HDX: variants seen among roughly 807,000 people sequenced by gnomAD.
The protein encoded by HDX is chromosome X open reading frame 43.
A neutral mutation model predicts 45.2 loss-of-function variants in HDX; 19 were observed. That is an observed-to-expected ratio of 0.42 (90% CI 0.29 to 0.62). The LOEUF (loss-of-function observed/expected upper bound fraction) is 0.62, where lower values mean the gene tolerates loss of function less well. HDX is among the 20% of genes least tolerant of loss of function. The pLI is 0.20. For synonymous variants in HDX, 188 were observed against 172.8 expected (o/e 1.09, Z -0.69); for missense variants, 532 against 493.9 (o/e 1.08, Z -0.73).
intron 4 of HDX, among the ~76,000 whole-genome samples, chrX:84,467,395 G>T (rs1489836145): frequency 9.0e-6 from 1 of 110,901 alleles, no homozygotes; most frequent in African/African-American, 3.3e-5. Context: ...GGGAGGCTGA[G>T]GTGGGCGGAT....
intron 10 of HDX, 120 bp downstream of exon 10, chrX:84,326,058 T>C: frequency 1.5e-6 from 1 of 685,012 alleles, no homozygotes; most frequent in Non-Finnish European, 2.3e-6. Flanking sequence ...AAATAACAAA[T>C]ATTTCCTCCA....
intron 1 of HDX, 38 bp downstream of exon 1, chrX:84,502,304 C>G (rs1474365305): frequency 9.0e-6 from 1 of 110,671 alleles, no homozygotes; most frequent in Non-Finnish European, 1.9e-5. Context: ...TGCCCTCCCT[C>G]CTTCGCCCTT....
chrX:84,369,424 T>C (rs2037840055), intron 5 of HDX, among the ~76,000 whole-genome samples: 1 of 112,262 alleles, frequency 8.9e-6, no homozygotes, highest in African/African-American at 3.2e-5. Flanking sequence ...TTCCTTGGAA[T>C]ATATACCCAG....
At chrX:84,351,948 C>T (rs189716120) in intron 6 of HDX, among the ~76,000 whole-genome samples, 1 of 111,871 alleles carries the variant, frequency 8.9e-6, no homozygotes, top group African/African-American at 3.2e-5. Flanking sequence ...GAATTTGTAA[C>T]CTTTCTAGTT....
At chrX:84,409,643 T>G (rs1467394460) in intron 5 of HDX, among the ~76,000 whole-genome samples, 1 of 96,369 alleles carries the variant, frequency 1.0e-5, no homozygotes, top group African/African-American at 3.9e-5. Flanking sequence ...AAACACCGCA[T>G]GTTCTCACTC....
chrX:84,367,876 G>C (rs1274846833), intron 5 of HDX, among the ~76,000 whole-genome samples: 2 of 111,707 alleles, frequency 1.8e-5, no homozygotes, highest in African/African-American at 6.5e-5. Flanking sequence ...GGGAGGGATA[G>C]CATTAGGAAA....
intron 5 of HDX, chrX:84,403,960 T>A: frequency 9.0e-6 from 1 of 111,275 alleles, no homozygotes; most frequent in East Asian, 2.8e-4. Flanking sequence ...GGGTCAGGCA[T>A]CTGGTGAGTA....
chrX:84,418,019 A>T (rs2039155469), intron 5 of HDX, among the ~76,000 whole-genome samples: 1 of 112,086 alleles, frequency 8.9e-6, no homozygotes, highest in African/African-American at 3.2e-5. Flanking sequence ...ACACTATATT[A>T]TGGGTTTCTG....
chrX:84,393,933 A>AT (rs1054276637), intron 5 of HDX, among the ~76,000 whole-genome samples: 53 of 47,105 alleles, frequency 1.1e-3, no homozygotes, highest in Non-Finnish European at 3.4e-4. Context: ...TGGTTGATCA[A>AT]TTTTGTTCAT....
At chrX:84,322,048 TGTGG>T in intron 10 of HDX, 34 bp from the exon 11 acceptor site, 1 of 989,433 alleles carries the variant, frequency 1.0e-6, no homozygotes, top group East Asian at 3.5e-5. Flanking sequence ...TGGATTAGTA[TGTGG>T]ATAGATTGTT....
chrX:84,332,031 G>GT, intron 9 of HDX, among the ~76,000 whole-genome samples: 1 of 111,394 alleles, frequency 9.0e-6, no homozygotes, highest in Non-Finnish European at 1.9e-5. Context: ...AGAAACACTA[G>GT]TATGTGTATA....
chrX:84,412,485 C>G (rs1461729056), intron 5 of HDX, among the ~76,000 whole-genome samples: 1 of 111,578 alleles, frequency 9.0e-6, no homozygotes, highest in East Asian at 2.8e-4. Flanking sequence ...TAGTGCAATG[C>G]TTAATATAGG....
intron 4 of HDX, among the ~76,000 whole-genome samples, chrX:84,448,624 A>G (rs1270646806): frequency 9.1e-6 from 1 of 110,496 alleles, no homozygotes; most frequent in Admixed American, 9.7e-5. Flanking sequence ...AACAAACACC[A>G]TAGATACATC....
intron 5 of HDX, among the ~76,000 whole-genome samples, chrX:84,367,129 C>G (rs1335517246): frequency 9.2e-6 from 1 of 108,386 alleles, no homozygotes; most frequent in African/African-American, 3.3e-5. Context: ...CCAGAATCTA[C>G]AAAGAACTTC....
intron 5 of HDX, among the ~76,000 whole-genome samples, chrX:84,380,414 C>CA (rs200184884): frequency 2.5e-3 from 247 of 99,279 alleles, no homozygotes; most frequent in East Asian, 7.2e-3. Context: ...AAAGACACCT[C>CA]AAAAAAAAAA....
chrX:84,336,929 T>G (rs1012537240), intron 7 of HDX, 49 bp from the exon 8 acceptor site: 2 of 794,867 alleles, frequency 2.5e-6, no homozygotes, highest in Non-Finnish European at 3.7e-6. Context: ...AAAACTTTCT[T>G]GAGAATACTA....
chrX:84,468,656 T>G lies in HDX; in HGVS notation c.1067A>C (p.Asn356Thr), dbSNP rs2040399531. The change falls in exon 4 of 11, where the codon AAT becomes ACT. Residue 356 changes from asparagine (N) to threonine (T), a missense_variant. Physicochemically the swap from Asn to Thr is moderately conservative, Grantham distance 65. This residue lies in a region of HDX where 376 missense variants were observed against 343.7 expected (regional missense o/e 1.09). Coordinates refer to ENST00000373177, the MANE Select transcript of HDX (RefSeq NM_001177479.2). ...GRNMPNSQMVNIRDMSDNVLY... is the reference protein window; with the variant it reads ...GRNMPNSQMVTIRDMSDNVLY... ...TACATTGTCTGACATATCTCTAATA[T>G]TCACCATTTGTGAATTTGGCATATT... 1 of 1,207,871 alleles carries G rather than the reference T, an allele frequency of 8.3e-7. No individual in the cohort carries two copies. The highest frequency in any genetic ancestry group is 1.1e-6 in the Non-Finnish European group (1 of 893,363).
intron 5 of HDX, among the ~76,000 whole-genome samples, chrX:84,420,906 G>A (rs1198129776): frequency 8.9e-6 from 1 of 111,754 alleles, no homozygotes; most frequent in African/African-American, 3.3e-5. Context: ...TTTTAACCTG[G>A]AATAGTATCT....
At chrX:84,483,530 C>A (rs1041528992) in intron 2 of HDX, among the ~76,000 whole-genome samples, 9 of 112,359 alleles carry the variant, frequency 8.0e-5, no homozygotes, top group Admixed American at 3.8e-4. Context: ...CACCAAGTCC[C>A]AACTGTACAA....
Sources: allele counts gnomAD v4.1 joint callset (sites outside exome capture counted in the v4.1 genomes callset), GRCh38; gene constraint gnomAD v4.1.1; regional missense constraint gnomAD v4.1.1; transcripts MANE v1.5; gene names NCBI Gene and HGNC (gene_info 2026-07-23, HGNC 2026-07-21).